The following CD96 variants were observed in gnomAD, a reference collection of about 807,000 sequenced individuals.
The protein encoded by CD96 is CD96 molecule.
A neutral mutation model predicts 71.3 loss-of-function variants in CD96; 70 were observed. The ratio of observed to expected loss-of-function variants is 0.98; its 90% CI spans 0.81 to 1.20. The LOEUF is 1.20. Ranked by LOEUF, CD96 falls within the 50% of genes most tolerant of loss-of-function variation. The pLI is 0.00. For missense variants in CD96, 742 were observed against 677.5 expected, an observed-to-expected ratio of 1.10 and a Z score of -1.06; for synonymous variants, 248 against 233.0, an observed-to-expected ratio of 1.06 and a Z score of -0.59.
chr3:111,564,726 C>T (rs189935273), intron 2 of CD96, among the ~76,000 whole-genome samples: 7 of 152,142 alleles, frequency 4.6e-5, no homozygotes, highest in Non-Finnish European at 1.0e-4. Flanking sequence ...ATAGGTTATT[C>T]TATCTCATTC....
intron 2 of CD96, among the ~76,000 whole-genome samples, chr3:111,562,271 C>T (rs1160319280): frequency 6.6e-6 from 1 of 152,208 alleles, no homozygotes; most frequent in South Asian, 2.1e-4. Context: ...AAATTCAACA[C>T]CTGGGTCCAC....
chr3:111,570,815 C>T (rs574356783), intron 3 of CD96: 94 of 1,613,426 alleles, frequency 5.8e-5, no homozygotes, highest in Non-Finnish European at 7.4e-5. Flanking sequence ...CTGGAGGCAC[C>T]GGGATGGGGG....
At chr3:111,588,033 C>T (rs1311401483) in intron 5 of CD96, among the ~76,000 whole-genome samples, 1 of 152,228 alleles carries the variant, frequency 6.6e-6, no homozygotes, top group African/African-American at 2.4e-5. Flanking sequence ...GATTAACATT[C>T]AGCTCCTTGT....
rs556300345 is a variant in CD96, at chr3:111,554,211, T to C, written c.418+8809T>C. Reference sequence around the variant, plus strand: ...TCTATATTTTCTACTTTTTTTCCCTTCTGTGATTCAATTAGGTATTCACCT... The same window carrying C: ...TCTATATTTTCTACTTTTTTTCCCTCCTGTGATTCAATTAGGTATTCACCT... On this transcript the variant is annotated intron_variant, in intron 2 of 13. Coordinates refer to ENST00000352690, the MANE Select transcript of CD96 (RefSeq NM_005816.5). Among the ~76,000 whole-genome samples, 6 of 152,190 alleles carry C rather than the reference T, an allele frequency of 3.9e-5. No individual in the cohort carries two copies. In the South Asian group the frequency reaches 1.2e-3, roughly 32 times the overall value.
At chr3:111,555,945 T>C (rs1331217931) in intron 2 of CD96, among the ~76,000 whole-genome samples, 1 of 152,306 alleles carries the variant, frequency 6.6e-6, no homozygotes, top group Admixed American at 6.5e-5. Context: ...GAAGCTGTTT[T>C]CATTTCTTTC....
chr3:111,553,275 C>T (rs779416141), intron 2 of CD96, among the ~76,000 whole-genome samples: 7 of 150,884 alleles, frequency 4.6e-5, no homozygotes, highest in African/African-American at 7.3e-5. Context: ...TTTTCCTTTG[C>T]GATATATTTG....
chr3:111,570,343 A>G (rs1223762900), intron 3 of CD96, among the ~76,000 whole-genome samples: 3 of 152,084 alleles, frequency 2.0e-5, no homozygotes, highest in African/African-American at 4.8e-5. Context: ...GGTGAGAGGT[A>G]TGGTCTAAGG....
intron 12 of CD96, among the ~76,000 whole-genome samples, chr3:111,645,418 C>T (rs1939784001): frequency 6.6e-6 from 1 of 152,054 alleles, no homozygotes; most frequent in African/African-American, 2.4e-5. Flanking sequence ...ATATGATGCA[C>T]TGTATACTGC....
At chr3:111,619,173 A>C (rs756334533) in intron 8 of CD96, among the ~76,000 whole-genome samples, 2 of 152,158 alleles carry the variant, frequency 1.3e-5, no homozygotes, top group Non-Finnish European at 2.9e-5. Flanking sequence ...GCTCTTTTAG[A>C]ACATGTTTCT....
chr3:111,552,664 A>T (rs947450005), intron 2 of CD96, among the ~76,000 whole-genome samples: 1 of 149,836 alleles, frequency 6.7e-6, no homozygotes, highest in Non-Finnish European at 1.5e-5. Context: ...ATTCAACTTT[A>T]TTTACAAAAA....
intron 2 of CD96, among the ~76,000 whole-genome samples, chr3:111,565,066 A>G (rs1042512842): frequency 9.2e-5 from 14 of 152,206 alleles, no homozygotes; most frequent in African/African-American, 3.4e-4. Flanking sequence ...GACACTGGTG[A>G]TTTGGTGCCC....
chr3:111,616,475 C>G (rs1265370903), intron 8 of CD96, among the ~76,000 whole-genome samples: 2 of 151,894 alleles, frequency 1.3e-5, no homozygotes, highest in Admixed American at 1.3e-4. Context: ...GGAAGAGAAG[C>G]TATCAAAGGC....
chr3:111,647,202 T>C (rs1434410717), intron 12 of CD96, among the ~76,000 whole-genome samples: 1 of 151,372 alleles, frequency 6.6e-6, no homozygotes, highest in African/African-American at 2.4e-5. Context: ...ATAACAAATT[T>C]GCACATGTAC....
At chr3:111,638,524 C>T (rs1054065662) in intron 12 of CD96, among the ~76,000 whole-genome samples, 1 of 152,150 alleles carries the variant, frequency 6.6e-6, no homozygotes. Flanking sequence ...AAAAGCATTT[C>T]AAGCCTATGA....
At chr3:111,648,338 T>G (rs1185859645) in intron 13 of CD96, among the ~76,000 whole-genome samples, 1 of 152,198 alleles carries the variant, frequency 6.6e-6, no homozygotes, top group Non-Finnish European at 1.5e-5. Context: ...CTTGTCTTAC[T>G]ACTACTCTAA....
chr3:111,596,265 A>C (rs1017911250), intron 5 of CD96, among the ~76,000 whole-genome samples: 1 of 151,942 alleles, frequency 6.6e-6, no homozygotes, highest in African/African-American at 2.4e-5. Context: ...TTAAATTAAA[A>C]TAGAAAAAAA....
At chr3:111,658,562 C>T (rs914277798) in intron 14 of CD96, among the ~76,000 whole-genome samples, 3 of 152,162 alleles carry the variant, frequency 2.0e-5, no homozygotes, top group African/African-American at 7.2e-5. Flanking sequence ...AAGTGCCTCC[C>T]TGTAAAATCT....
chr3:111,638,491 G>C (rs558943144), intron 12 of CD96, among the ~76,000 whole-genome samples: 11 of 152,192 alleles, frequency 7.2e-5, no homozygotes, highest in Non-Finnish European at 1.6e-4. Context: ...ATTTATTCTT[G>C]TTGAATAAAT....
intron 5 of CD96, chr3:111,592,874 T>TA (rs1937058027): frequency 6.6e-6 from 1 of 152,212 alleles, no homozygotes; most frequent in Admixed American, 6.5e-5. Flanking sequence ...ATTAGGTTGT[T>TA]AAAAAGACAC....
Sources: allele counts gnomAD v4.1 joint callset (sites outside exome capture counted in the v4.1 genomes callset), GRCh38; gene constraint gnomAD v4.1.1; transcripts MANE v1.5; gene names NCBI Gene and HGNC (gene_info 2026-07-23, HGNC 2026-07-21).